Variants in NOX4 observed in about 807,000 individuals in gnomAD.
NOX4 encodes the protein kidney oxidase-1.
In NOX4, 69 loss-of-function variants were observed where a neutral mutation model predicts 87.6. The observed-to-expected ratio is 0.79, with a 90% CI of 0.65 to 0.96. The LOEUF (loss-of-function observed/expected upper bound fraction) is 0.96, where lower values mean the gene tolerates loss of function less well. NOX4 is among the 40% of genes least tolerant of loss of function. The pLI, the probability that NOX4 is intolerant of heterozygous loss-of-function variation, is 0.00. For synonymous variants in NOX4, 275 were observed against 238.2 expected (o/e 1.15, Z -1.42); for missense variants, 680 against 681.5 (o/e 1.00, Z 0.02).
intron 11 of NOX4, among the ~76,000 whole-genome samples, chr11:89,396,590 T>G (rs550129199): frequency 7.2e-4 from 110 of 152,030 alleles, no homozygotes; most frequent in Non-Finnish European, 1.3e-3. Context: ...CGTGCAGAGA[T>G]GCACATAGGC....
At position 89,396,371 on chromosome 11, in the gene NOX4, C is replaced by A. The variant is rs145377063; in HGVS notation, c.1074+3646G>T. Among the ~76,000 whole-genome samples, 678 of 152,234 alleles carry A rather than the reference C, an allele frequency of 4.5e-3. 5 individuals are homozygous for A. Among genetic ancestry groups the A allele is most frequent in the African/African-American group, 0.015 (636 of 41,542 alleles). ...ATTGATTTTGTATCCTGAGACTTCGCTGAAGTTGCTTATCAGCTTAAGGAG... is the reference window on the plus strand; with the variant it reads ...ATTGATTTTGTATCCTGAGACTTCGATGAAGTTGCTTATCAGCTTAAGGAG... On this transcript the variant is annotated intron_variant, in intron 11 of 17. Coordinates refer to ENST00000263317, the MANE Select transcript of NOX4 (RefSeq NM_016931.5).
chr11:89,491,322 C>CAGTT lies in NOX4; in HGVS notation c.-80_-77dup. 1.5e-6 allele frequency: 2 copies of CAGTT among 1,375,836 alleles called. No homozygotes were observed. The highest frequency in any genetic ancestry group is 2.0e-6 in the Non-Finnish European group (2 of 1,000,912). 85.2% of individuals were successfully genotyped at this position (1,375,836 alleles called of 1,614,324 possible). A position where few individuals can be genotyped will look rare whatever the true frequency, so the allele number is the denominator to read the frequency against. On this transcript the variant is annotated 5_prime_UTR_variant, in exon 1 of 18. Transcript: ENST00000263317. ...CGGGCGGCGGCCGGGGCAGCGGTTA[C>CAGTT]AGTTGTGCGGCCTGCCGGGCCGCTG...
At chr11:89,557,483 G>A in the NOX4 span, among the ~76,000 whole-genome samples, 1 of 152,136 alleles carries the variant, frequency 6.6e-6, no homozygotes, top group African/African-American at 2.4e-5. Context: ...CTGGCACACT[G>A]CTGAGTAGTA....
intron 2 of NOX4, among the ~76,000 whole-genome samples, chr11:89,465,096 C>G (rs73535473): frequency 0.022 from 3,285 of 152,188 alleles, 113 homozygotes; most frequent in African/African-American, 0.07. Context: ...CCCATGAACC[C>G]ATCAACTACA....
the NOX4 span, among the ~76,000 whole-genome samples, chr11:89,573,511 T>G: frequency 6.6e-6 from 1 of 152,260 alleles, no homozygotes; most frequent in South Asian, 2.1e-4. Context: ...TGACTCAAAC[T>G]TTTAATAGCT....
chr11:89,504,291 GAGAC>G, the NOX4 span, among the ~76,000 whole-genome samples: 2 of 151,914 alleles, frequency 1.3e-5, no homozygotes, highest in African/African-American at 2.4e-5. Context: ...TGACACTGGG[GAGAC>G]AGACAGCGTC....
At chr11:89,467,349 C>CAAAAAAAA (rs71052233) in intron 2 of NOX4, among the ~76,000 whole-genome samples, 4 of 61,422 alleles carry the variant, frequency 6.5e-5, no homozygotes, top group African/African-American at 2.3e-4. Flanking sequence ...AAACTCGTCA[C>CAAAAAAAA]AAAAAAAAAA....
chr11:89,519,929 CA>C, the NOX4 span, among the ~76,000 whole-genome samples: 9 of 151,770 alleles, frequency 5.9e-5, no homozygotes, highest in Admixed American at 4.6e-4. Context: ...AAGAAAGCAT[CA>C]TTCTCTCTCT....
Position 89,342,061 on chromosome 11 carries a change from C to G in NOX4, c.1337+13G>C. 1.3e-6 allele frequency: 2 copies of G among 1,595,476 alleles called. No homozygotes were observed. ...CTCTATTTGGATTAACAAAATAGATCAAAATGACATACAACAGGGTGTTGA... is the reference window on the plus strand; with the variant it reads ...CTCTATTTGGATTAACAAAATAGATGAAAATGACATACAACAGGGTGTTGA... On this transcript the variant is annotated intron_variant, in intron 14 of 17. Coordinates refer to ENST00000263317, the MANE Select transcript of NOX4 (RefSeq NM_016931.5).
chr11:89,549,324 T>C, the NOX4 span, among the ~76,000 whole-genome samples: 1 of 152,212 alleles, frequency 6.6e-6, no homozygotes, highest in Non-Finnish European at 1.5e-5. Context: ...TGTTCTCTAC[T>C]ATATTTAACA....
the NOX4 span, among the ~76,000 whole-genome samples, chr11:89,534,258 AC>A: frequency 6.6e-6 from 1 of 152,354 alleles, no homozygotes; most frequent in Non-Finnish European, 1.5e-5. Context: ...TTGACAGGTC[AC>A]ACCTGAAGTT....
At chr11:89,528,372 G>T in the NOX4 span, among the ~76,000 whole-genome samples, 89 of 152,300 alleles carry the variant, frequency 5.8e-4, 1 homozygote, top group Admixed American at 4.8e-3. Flanking sequence ...GGGAAGGCAT[G>T]ATTGGTTCTG....
the NOX4 span, among the ~76,000 whole-genome samples, chr11:89,525,449 T>G: frequency 6.6e-6 from 1 of 152,110 alleles, no homozygotes; most frequent in Non-Finnish European, 1.5e-5. Context: ...TAATGTGTAA[T>G]GCAATGTATC....
chr11:89,539,567 T>G, the NOX4 span, among the ~76,000 whole-genome samples: 1 of 152,102 alleles, frequency 6.6e-6, no homozygotes, highest in Non-Finnish European at 1.5e-5. Context: ...CCTTTCTCTC[T>G]CCTTTTTTGC....
chr11:89,353,788 C>A (rs2134970960), intron 13 of NOX4, among the ~76,000 whole-genome samples: 1 of 152,254 alleles, frequency 6.6e-6, no homozygotes, highest in South Asian at 2.1e-4. Flanking sequence ...CTGCCAACAG[C>A]CACTGTAAGT....
the NOX4 span, among the ~76,000 whole-genome samples, chr11:89,573,963 C>T: frequency 2.6e-5 from 4 of 152,108 alleles, no homozygotes; most frequent in South Asian, 6.3e-4. Flanking sequence ...GTGGAGTCGC[C>T]CCAGAAGGTC....
At chr11:89,399,063 T>C (rs1225189483) in intron 11 of NOX4, among the ~76,000 whole-genome samples, 1 of 151,910 alleles carries the variant, frequency 6.6e-6, no homozygotes, top group Non-Finnish European at 1.5e-5. Context: ...TTTAAGTTTG[T>C]ATTTTATTTT....
chr11:89,335,303 TC>T (rs898510217), intron 17 of NOX4, among the ~76,000 whole-genome samples: 44 of 151,892 alleles, frequency 2.9e-4, no homozygotes, highest in Admixed American at 2.0e-3. Flanking sequence ...AGACACGTAG[TC>T]CATAAGAACA....
At chr11:89,471,103 C>A (rs1945920052) in intron 2 of NOX4, among the ~76,000 whole-genome samples, 1 of 152,142 alleles carries the variant, frequency 6.6e-6, no homozygotes, top group Admixed American at 6.6e-5. Context: ...TCCAAATTTC[C>A]CTTTTACATA....
Sources: gnomAD v4.1 joint callset for allele counts (sites outside exome capture counted in the v4.1 genomes callset) on GRCh38, gnomAD v4.1.1 for gene constraint, MANE v1.5 for transcripts, NCBI Gene and HGNC (gene_info 2026-07-23, HGNC 2026-07-21) for gene names.